The following LINGO2 variants were observed in gnomAD, a reference collection of about 807,000 sequenced individuals.
The protein encoded by LINGO2 is leucine rich repeat and Ig domain containing 2, also known as leucine-rich repeat and immunoglobulin-like domain-containing nogo receptor-interacting protein 2.
Under a neutral mutation model 30.6 loss-of-function variants are expected in LINGO2, and 14 were observed. That is an observed-to-expected ratio of 0.46 (90% CI 0.30 to 0.72). The LOEUF (loss-of-function observed/expected upper bound fraction) is 0.72. LINGO2 is among the 30% of genes least tolerant of loss of function. The probability of loss-of-function intolerance (pLI) is 0.07; values close to 1 mark genes in which losing one functional copy is unlikely to be tolerated. For missense variants in LINGO2, 729 were observed against 751.7 expected (o/e 0.97, Z 0.35); for synonymous variants, 317 against 288.5 (o/e 1.10, Z -1.00).
At chr9:28,862,288 A>C in the LINGO2 span, among the ~76,000 whole-genome samples, 3 of 152,150 alleles carry the variant, frequency 2.0e-5, no homozygotes, top group Non-Finnish European at 4.4e-5. Flanking sequence ...GGTAATAATA[A>C]ATACTGAAGA....
intron 1 of LINGO2, among the ~76,000 whole-genome samples, chr9:28,649,336 T>C (rs1043058495): frequency 2.4e-5 from 3 of 126,024 alleles, no homozygotes; most frequent in Non-Finnish European, 3.2e-5. Context: ...ACAATGTTGC[T>C]CCCACTCAAA....
At chr9:28,967,370 T>C in the LINGO2 span, among the ~76,000 whole-genome samples, 3 of 152,250 alleles carry the variant, frequency 2.0e-5, no homozygotes, top group Non-Finnish European at 4.4e-5. Flanking sequence ...ATACAAACTA[T>C]CCTACCACTA....
intron 4 of LINGO2, among the ~76,000 whole-genome samples, chr9:28,169,711 T>C (rs1828529216): frequency 1.3e-5 from 2 of 152,092 alleles, no homozygotes; most frequent in South Asian, 2.1e-4. Context: ...ATAGAAAACA[T>C]ACAGCATGGG....
the LINGO2 span, among the ~76,000 whole-genome samples, chr9:28,816,183 C>A: frequency 7.9e-5 from 12 of 152,154 alleles, no homozygotes; most frequent in African/African-American, 2.9e-4. Flanking sequence ...ATCTAATCAC[C>A]TTTTTAAAGT....
the LINGO2 span, among the ~76,000 whole-genome samples, chr9:28,824,272 G>C: frequency 6.6e-6 from 1 of 152,118 alleles, no homozygotes; most frequent in African/African-American, 2.4e-5. Context: ...CAGGAGTGTG[G>C]AACAAGATAG....
chr9:28,977,929 A>T, the LINGO2 span, among the ~76,000 whole-genome samples: 2 of 152,198 alleles, frequency 1.3e-5, no homozygotes, highest in African/African-American at 4.8e-5. Context: ...GACAGGATCT[A>T]TAAAAACTTG....
At chr9:28,957,172 G>A in the LINGO2 span, among the ~76,000 whole-genome samples, 10 of 152,176 alleles carry the variant, frequency 6.6e-5, no homozygotes, top group African/African-American at 2.2e-4. Flanking sequence ...CATCAGCATC[G>A]CACTAAGACA....
the LINGO2 span, among the ~76,000 whole-genome samples, chr9:28,824,526 G>A: frequency 6.6e-6 from 1 of 152,112 alleles, no homozygotes; most frequent in Non-Finnish European, 1.5e-5. Flanking sequence ...GTGTCAGAAT[G>A]GCAAATCAGT....
chr9:28,807,119 G>T, the LINGO2 span, among the ~76,000 whole-genome samples: 1 of 151,944 alleles, frequency 6.6e-6, no homozygotes. Context: ...CCGCCTCCCA[G>T]ATTCACACCA....
At chr9:28,462,500 G>A (rs1202358394) in intron 2 of LINGO2, among the ~76,000 whole-genome samples, 1 of 151,222 alleles carries the variant, frequency 6.6e-6, no homozygotes. Context: ...AGCACACTTG[G>A]TCCACAATTG....
At chr9:28,885,460 CAT>C in the LINGO2 span, among the ~76,000 whole-genome samples, 6,016 of 78,966 alleles carry the variant, frequency 0.076, 193 homozygotes, top group Admixed American at 0.18. Context: ...TATATACATA[CAT>C]ATATATATAC....
At chr9:28,138,763 A>C (rs1587064811) in intron 4 of LINGO2, among the ~76,000 whole-genome samples, 1 of 152,356 alleles carries the variant, frequency 6.6e-6, no homozygotes, top group African/African-American at 2.4e-5. Flanking sequence ...TAAAGAATTT[A>C]CATAGACTAA....
At chr9:28,066,050 A>G (rs1825304575) in intron 4 of LINGO2, among the ~76,000 whole-genome samples, 1 of 152,028 alleles carries the variant, frequency 6.6e-6, no homozygotes, top group African/African-American at 2.4e-5. Flanking sequence ...AAAAAAGCAC[A>G]TTAGAGGGGT....
At chr9:28,233,060 ATT>A (rs1491105515) in intron 4 of LINGO2, among the ~76,000 whole-genome samples, 19 of 76,894 alleles carry the variant, frequency 2.5e-4, no homozygotes, top group South Asian at 1.8e-3. Flanking sequence ...ATATATATAT[ATT>A]AGATATATAA....
At chr9:28,431,709 A>C (rs879700969) in intron 2 of LINGO2, among the ~76,000 whole-genome samples, 2 of 152,184 alleles carry the variant, frequency 1.3e-5, no homozygotes, top group African/African-American at 2.4e-5. Flanking sequence ...TCTTTCAGAA[A>C]GCCCTGTGGC....
intron 4 of LINGO2, among the ~76,000 whole-genome samples, chr9:28,066,134 C>T (rs553252648): frequency 6.6e-6 from 1 of 152,112 alleles, no homozygotes; most frequent in African/African-American, 2.4e-5. Flanking sequence ...AAACTCAGCA[C>T]CCTGTTACCT....
At chr9:28,193,761 G>T (rs779294882) in intron 4 of LINGO2, among the ~76,000 whole-genome samples, 9 of 152,186 alleles carry the variant, frequency 5.9e-5, no homozygotes, top group Admixed American at 3.9e-4. Context: ...GACAGTTCTG[G>T]TTCAGAGTCC....
intron 4 of LINGO2, among the ~76,000 whole-genome samples, chr9:28,083,344 T>A (rs969690885): frequency 6.6e-6 from 1 of 152,164 alleles, no homozygotes; most frequent in Non-Finnish European, 1.5e-5. Context: ...CTCACCTGGC[T>A]CTGCCTCTGG....
intron 5 of LINGO2, among the ~76,000 whole-genome samples, chr9:27,976,232 C>T (rs914487740): frequency 1.3e-5 from 2 of 152,078 alleles, no homozygotes; most frequent in Admixed American, 6.6e-5. Flanking sequence ...TTTATGGCCA[C>T]TAATATATTT....
Sources: gnomAD v4.1 joint callset for allele counts (sites outside exome capture counted in the v4.1 genomes callset) on GRCh38, gnomAD v4.1.1 for gene constraint, MANE v1.5 for transcripts, NCBI Gene and HGNC (gene_info 2026-07-23, HGNC 2026-07-21) for gene names.